Variants in SEMA3B observed in about 807,000 individuals in gnomAD.
SEMA3B encodes semaphorin 3B.
SEMA3B carries 71 observed loss-of-function variants against 77.8 expected under a neutral mutation model. The observed-to-expected ratio is 0.91, with a 90% CI of 0.75 to 1.11. The LOEUF (loss-of-function observed/expected upper bound fraction) is 1.11. Ranked by LOEUF, SEMA3B falls within the 50% of genes most tolerant of loss-of-function variation. The pLI is 0.00. For missense variants in SEMA3B, 968 were observed against 1,056.8 expected (o/e 0.92, Z 1.17); for synonymous variants, 470 against 452.9 (o/e 1.04, Z -0.48).
Position 50,274,969 on chromosome 3 carries a change from C to G in SEMA3B, c.1449+35C>G. 6.2e-7 allele frequency: 1 copy of G among 1,600,134 alleles called. No homozygotes were observed. The highest frequency in any genetic ancestry group is 8.5e-7 in the Non-Finnish European group (1 of 1,174,168). ...CACCCCCAGTCGCCCGGGACCCCCC[C>G]ACCCCACTAAGCCCTGACCCCGTCG... On this transcript the variant is annotated intron_variant, in intron 12 of 16. Transcript: ENST00000616701. The surrounding 1 kb of genome is among the most constrained non-coding windows in gnomAD (Gnocchi z 4.7).
At chr3:50,265,811 T>TGGGTA (rs1365890102), upstream of SEMA3B, among the ~76,000 whole-genome samples, 1 of 152,150 alleles carries the variant, frequency 6.6e-6, no homozygotes, top group Non-Finnish European at 1.5e-5. Context: ...ACCCATGGCC[T>TGGGTA]GGCACACTGG....
chr3:50,269,049 C>T (rs1416907629), upstream of SEMA3B: 10 of 593,662 alleles, frequency 1.7e-5, no homozygotes, highest in South Asian at 7.9e-5. This position sits in a 1 kb window ranked among gnomAD's most constrained non-coding sequence, Gnocchi z 4.0. Flanking sequence ...GGGGAGGGTT[C>T]GGAAGTGGAA....
chr3:50,276,947 A>G lies in SEMA3B; in HGVS notation c.*241A>G. The G allele has an allele frequency of 2.1e-6, 1 of 485,492 alleles. No homozygotes were observed. The allele number at this position is 485,492 out of a possible 1,614,324, so 30.1% of individuals were successfully genotyped here. On this transcript the variant is annotated 3_prime_UTR_variant, in exon 17 of 17. Transcript: ENST00000616701. This position sits in a 1 kb window ranked among gnomAD's most constrained non-coding sequence, Gnocchi z 5.8. ...TCGGGCGCAGGATTCAGCCGGAGGGAAGGGACGGGGAAGCCGAGCTCCAGA... is the reference window on the plus strand; with the variant it reads ...TCGGGCGCAGGATTCAGCCGGAGGGGAGGGACGGGGAAGCCGAGCTCCAGA...
chr3:50,272,879 T>TAATAAA (rs797032591), intron 6 of SEMA3B, among the ~76,000 whole-genome samples: 1 of 150,070 alleles, frequency 6.7e-6, no homozygotes, highest in East Asian at 2.0e-4. Context: ...ATAATAATAA[T>TAATAAA]AAAGAGCAAT....
upstream of SEMA3B, among the ~76,000 whole-genome samples, chr3:50,267,972 A>G (rs1158209694): frequency 6.6e-6 from 1 of 152,164 alleles, no homozygotes; most frequent in African/African-American, 2.4e-5. The surrounding 1 kb of genome is among the most constrained non-coding windows in gnomAD (Gnocchi z 5.7). Flanking sequence ...GAGGGTGGGC[A>G]TAGCAGCCAG....
At position 50,273,474 on chromosome 3, in the gene SEMA3B, C is replaced by T. The variant is rs1553705785; in HGVS notation, c.810+31C>T. On this transcript the variant is annotated intron_variant, in intron 7 of 16. Transcript: ENST00000616701. The surrounding 1 kb of genome is among the most constrained non-coding windows in gnomAD (Gnocchi z 6.5). ...GAGTCCCTGGGCCACACCCGGCGAC[C>T]CTGCCCCTACCCCTTTGCCTGCCCT... is the stretch of plus-strand genomic sequence containing the variant. 6.2e-7 allele frequency: 1 copy of T among 1,610,220 alleles called. No homozygotes were observed. The highest frequency in any genetic ancestry group is 1.3e-5 in the African/African-American group (1 of 74,882).
chr3:50,264,257 AG>A (rs2109228888), upstream of SEMA3B, among the ~76,000 whole-genome samples: 1 of 152,174 alleles, frequency 6.6e-6, no homozygotes, highest in South Asian at 2.1e-4. Flanking sequence ...GCACAGCAAA[AG>A]GGGACAAGAG....
chr3:50,273,016 G>T lies in SEMA3B; in HGVS notation c.665-282G>T, dbSNP rs1455306660. 2.3e-6 allele frequency: 1 copy of T among 442,636 alleles called. No homozygotes were observed. The highest frequency in any genetic ancestry group is 4.1e-6 in the Non-Finnish European group (1 of 245,454). The allele number at this position is 442,636 out of a possible 1,614,324, so 27.4% of individuals were successfully genotyped here. ...CCTACCCCAGCCTAAGGTGCTGGGC[G>T]ACGTGTGGGGCGAGATCGGAGGCTA... On this transcript the variant is annotated intron_variant, in intron 6 of 16. Transcript: ENST00000616701. The surrounding 1 kb of genome is among the most constrained non-coding windows in gnomAD (Gnocchi z 6.5).
chr3:50,266,037 C>G (rs1338190277), upstream of SEMA3B, among the ~76,000 whole-genome samples: 1 of 151,750 alleles, frequency 6.6e-6, no homozygotes, highest in Non-Finnish European at 1.5e-5. Context: ...GGGGGGGTTT[C>G]TGATACCGTT....
Position 50,273,321 on chromosome 3 carries a change from T to C in SEMA3B, c.688T>C (p.Trp230Arg). 6.2e-7 allele frequency: 1 copy of C among 1,613,970 alleles called. No individual in the cohort carries two copies. Among genetic ancestry groups the C allele is most frequent in the Middle Eastern group, 1.7e-4 (1 of 6,060 alleles). The change falls in exon 7 of 17, where the codon TGG (tryptophan) becomes CGG (arginine). Residue 230 changes from tryptophan (W) to arginine (R), a missense_variant. Physicochemically the swap from Trp to Arg is moderately radical, Grantham distance 101. Coordinates refer to ENST00000616701, the MANE Select transcript of SEMA3B (RefSeq NM_001290060.2). This position sits in a 1 kb window ranked among gnomAD's most constrained non-coding sequence, Gnocchi z 6.5. ...AGAGCCCAAGTTTGTCAAGGTATTTTGGATCCCGGAGAGCGAGAACCCAGA... is the reference window on the plus strand; with the variant it reads ...AGAGCCCAAGTTTGTCAAGGTATTTCGGATCCCGGAGAGCGAGAACCCAGA... ...LNEPKFVKVF[W>R]IPESENPDDD...
Position 50,269,246 on chromosome 3 carries a change from GCGGGCCGGGGCTGCCGCCGTGATCC to G in SEMA3B, c.13_37del (p.Gly5TrpfsTer102). On this transcript the variant is annotated frameshift_variant, in exon 1 of 17. Transcript: ENST00000616701. LOFTEE classifies it high-confidence loss of function. This position sits in a 1 kb window ranked among gnomAD's most constrained non-coding sequence, Gnocchi z 4.0. ...GAGCACCCTGAGCTGCTGAGATGGG[GCGGGCCGGGGCTGCCGCCGTGATCC>G]CGGGCCTGGCCCTGCTCTGGGCAGT... 1 of 1,535,970 alleles carries G rather than the reference GCGGGCCGGGGCTGCCGCCGTGATCC, an allele frequency of 6.5e-7. No homozygotes were observed. The highest frequency in any genetic ancestry group is 2.0e-5 in the Admixed American group (1 of 50,972).
At chr3:50,266,817 C>T (rs1700907064), upstream of SEMA3B, 1 of 152,204 alleles carries the variant, frequency 6.6e-6, no homozygotes, top group Non-Finnish European at 1.5e-5. Flanking sequence ...TGCAGGAGCT[C>T]CGTCCTGTCT....
chr3:50,274,069 A>G lies in SEMA3B; in HGVS notation c.1137+12A>G, dbSNP rs782802750. 2 of 1,611,856 alleles carry G rather than the reference A, an allele frequency of 1.2e-6. No individual in the cohort carries two copies. Among genetic ancestry groups the G allele is most frequent in the African/African-American group, 1.3e-5 (1 of 74,802 alleles). On this transcript the variant is annotated intron_variant, in intron 10 of 16. Transcript: ENST00000616701. This position sits in a 1 kb window ranked among gnomAD's most constrained non-coding sequence, Gnocchi z 4.7. ...CGCGGCCAGGCATGGTTCGTAGCCC[A>G]GGGACTTCTGCTACAACCCACTTCA...
chr3:50,261,177 C>T, the SEMA3B span: 33 of 152,464 alleles, frequency 2.2e-4, no homozygotes, highest in African/African-American at 7.7e-4. Context: ...CTCCCTGGCG[C>T]TGCATCCCCA....
Position 50,273,819 on chromosome 3 carries a change from C to T in SEMA3B, c.983C>T (p.Ser328Phe), listed in dbSNP as rs782709751. 6.3e-7 allele frequency: 1 copy of T among 1,581,114 alleles called. No individual in the cohort carries two copies. The highest frequency in any genetic ancestry group is 8.6e-7 in the Non-Finnish European group (1 of 1,164,102). ...HRTPLLYAVF[S>F]TSSSIFQGSA... ...ACCCCGCTGCTCTATGCCGTCTTCT[C>T]CACGTCCAGGTGAGGGGCAGGAGGT... The change falls in exon 9 of 17, where the codon TCC becomes TTC. Residue 328 changes from serine (S) to phenylalanine (F), a missense_variant. Coordinates refer to ENST00000616701, the MANE Select transcript of SEMA3B (RefSeq NM_001290060.2). The surrounding 1 kb of genome is among the most constrained non-coding windows in gnomAD (Gnocchi z 6.5).
Position 50,271,170 on chromosome 3 carries a change from C to A in SEMA3B, c.533C>A (p.Ser178Tyr). Residue 178 changes from serine (S) to tyrosine (Y), a missense_variant, in exon 5 of 17, where the codon TCC becomes TAC. Physicochemically the swap from Ser to Tyr is moderately radical, Grantham distance 144 (BLOSUM62 -2). Transcript: ENST00000616701. ...TATGACCCCAGGCATCGGGCTGCCT[C>A]CGTGCTGGTGGGTGAGTCCAAGGGC... ...SPYDPRHRAA[S>Y]VLVGEELYSG... The A allele has an allele frequency of 6.4e-7, 1 of 1,573,692 alleles. No individual in the cohort carries two copies. Among genetic ancestry groups the A allele is most frequent in the East Asian group, 2.3e-5 (1 of 42,720 alleles).
At position 50,269,419 on chromosome 3, in the gene SEMA3B, G is replaced by A. The variant is rs1409237209; in HGVS notation, c.109+70G>A. On this transcript the variant is annotated intron_variant, in intron 1 of 16. Coordinates refer to ENST00000616701, the MANE Select transcript of SEMA3B (RefSeq NM_001290060.2). The surrounding 1 kb of genome is among the most constrained non-coding windows in gnomAD (Gnocchi z 4.0). ...GGAAAGGGTCCCCGTATGGCCAGGG[G>A]GCTCTGTGTTGGCTGTTGCCCCATG... is the stretch of plus-strand genomic sequence containing the variant. The A allele has an allele frequency of 1.6e-5, 15 of 959,464 alleles. No homozygotes were observed. The highest frequency in any genetic ancestry group is 2.1e-5 in the Non-Finnish European group (14 of 663,368). 59.4% of individuals were successfully genotyped at this position (959,464 alleles called of 1,614,324 possible).
rs1392892739 is a variant in SEMA3B, at chr3:50,277,398, A to C, written c.*692A>C. 1.3e-5 allele frequency: 2 copies of C among 152,048 alleles called. No individual in the cohort carries two copies. The highest frequency in any genetic ancestry group is 2.9e-5 in the Non-Finnish European group (2 of 68,026). The allele number at this position is 152,048 out of a possible 1,614,324, so 9.4% of individuals were successfully genotyped here. On this transcript the variant is annotated 3_prime_UTR_variant, in exon 17 of 17. Transcript: ENST00000616701. ...AAACCCCGTCTGTACTAAAAATACA[A>C]AAAATTAGTCGGGCGTGGTGGCGGG...
chr3:50,269,313 GCCCCCAGCCCCC>G lies in SEMA3B; in HGVS notation c.75_86del (p.Pro26_Pro29del). On this transcript the variant is annotated inframe_deletion, in exon 1 of 17. Coordinates refer to ENST00000616701, the MANE Select transcript of SEMA3B (RefSeq NM_001290060.2). This position sits in a 1 kb window ranked among gnomAD's most constrained non-coding sequence, Gnocchi z 4.0. ...CTGGGCAGTGGGGCTGGGGAGTGCC[GCCCCCAGCCCCC>G]CACGCCTTCGGCTCTCCTTCCAAGG... is the stretch of plus-strand genomic sequence containing the variant. 6.6e-7 allele frequency: 1 copy of G among 1,523,152 alleles called. No homozygotes were observed. The highest frequency in any genetic ancestry group is 8.8e-7 in the Non-Finnish European group (1 of 1,140,014). The allele number at this position is 1,523,152 out of a possible 1,614,324, so 94.4% of individuals were successfully genotyped here.
Sources: gnomAD v4.1 joint callset for allele counts (sites outside exome capture counted in the v4.1 genomes callset) on GRCh38, gnomAD v4.1.1 for gene constraint, Gnocchi (gnomAD v3.1) non-coding constraint, MANE v1.5 for transcripts, NCBI Gene and HGNC (gene_info 2026-07-23, HGNC 2026-07-21) for gene names.